CNTLN: variants seen among roughly 807,000 people sequenced by gnomAD.
CNTLN encodes centlein, centrosomal protein.
CNTLN carries 212 observed loss-of-function variants against 180.0 expected under a neutral mutation model. The observed-to-expected ratio is 1.18, with a 90% CI of 1.05 to 1.32. The LOEUF (loss-of-function observed/expected upper bound fraction) is 1.32. CNTLN is among the 40% of genes most tolerant of loss of function. The probability of loss-of-function intolerance (pLI) is 0.00; values close to 1 mark genes in which losing one functional copy is unlikely to be tolerated. For missense variants in CNTLN, 2,095 were observed against 1,610.9 expected (o/e 1.30, Z -5.14); for synonymous variants, 722 against 563.1 (o/e 1.28, Z -3.99).
chr9:17,269,253 A>G (rs1455615119), intron 5 of CNTLN, among the ~76,000 whole-genome samples: 2 of 151,916 alleles, frequency 1.3e-5, no homozygotes, highest in Non-Finnish European at 2.9e-5. Context: ...TTGTTTTGTT[A>G]TTTAATTAAC....
intron 2 of CNTLN, among the ~76,000 whole-genome samples, chr9:17,211,244 G>T (rs981904347): frequency 6.6e-6 from 1 of 152,164 alleles, no homozygotes; most frequent in African/African-American, 2.4e-5. Context: ...AAGGTGTAAG[G>T]AAGGGATCCA....
intron 7 of CNTLN, chr9:17,302,170 G>C: frequency 1.1e-6 from 1 of 933,380 alleles, no homozygotes; most frequent in South Asian, 5.0e-5. Context: ...CTTTTATGAA[G>C]CTATAACATC....
At chr9:17,436,500 A>T (rs1829786456) in intron 18 of CNTLN, among the ~76,000 whole-genome samples, 1 of 152,234 alleles carries the variant, frequency 6.6e-6, no homozygotes. Flanking sequence ...AGCACAGCCC[A>T]TTCAACAAAT....
At chr9:17,433,394 C>T (rs1829548110) in intron 18 of CNTLN, among the ~76,000 whole-genome samples, 1 of 151,692 alleles carries the variant, frequency 6.6e-6, no homozygotes, top group Non-Finnish European at 1.5e-5. Context: ...AAGCGATTCT[C>T]CTGCCTCGGC....
chr9:17,288,783 A>G (rs2132660961), intron 6 of CNTLN, among the ~76,000 whole-genome samples: 1 of 134,570 alleles, frequency 7.4e-6, no homozygotes, highest in Middle Eastern at 3.7e-3. Context: ...GTCTCTTTTG[A>G]TCTTTGTTGG....
chr9:17,184,734 A>G (rs186291314), intron 2 of CNTLN, among the ~76,000 whole-genome samples: 84 of 152,296 alleles, frequency 5.5e-4, no homozygotes, highest in Non-Finnish European at 2.6e-4. Flanking sequence ...TAAAACAACA[A>G]TAGGAATACT....
intron 8 of CNTLN, among the ~76,000 whole-genome samples, chr9:17,312,365 T>TATATATATATATATA (rs1819222005): frequency 6.9e-4 from 5 of 7,214 alleles, no homozygotes; most frequent in African/African-American, 1.1e-3. Context: ...ATATATATAT[T>TATATATATATATATA]ATATATATAT....
intron 5 of CNTLN, among the ~76,000 whole-genome samples, chr9:17,258,010 T>C (rs971303069): frequency 1.3e-5 from 2 of 150,928 alleles, no homozygotes; most frequent in Non-Finnish European, 1.5e-5. Flanking sequence ...TTTTGTCTTT[T>C]GTTGCCATTG....
chr9:17,290,552 T>A (rs201102820), intron 6 of CNTLN, among the ~76,000 whole-genome samples: 20 of 139,910 alleles, frequency 1.4e-4, no homozygotes, highest in Non-Finnish European at 2.1e-4. Flanking sequence ...TCGAGCTTCC[T>A]GGCTGCTTTG....
intron 18 of CNTLN, among the ~76,000 whole-genome samples, chr9:17,420,375 A>G (rs1382167535): frequency 6.6e-6 from 1 of 152,172 alleles, no homozygotes; most frequent in African/African-American, 2.4e-5. Flanking sequence ...GTAGCCACTA[A>G]CAATGCTTTA....
In CNTLN at chr9:17,466,196, T is replaced by G. The variant is rs551534644; in HGVS notation, c.3669+78T>G. On this transcript the variant is annotated intron_variant, in intron 22 of 25. Coordinates refer to ENST00000380647, the MANE Select transcript of CNTLN (RefSeq NM_017738.4). Reference sequence around the variant, plus strand: ...GTTTCATTTTTAACATTGTTGCTTTTTCCTTCCCAAAACCACAAGCTACTT... The same window carrying G: ...GTTTCATTTTTAACATTGTTGCTTTGTCCTTCCCAAAACCACAAGCTACTT... 1.2e-5 allele frequency: 16 copies of G among 1,346,196 alleles called. No homozygotes were observed. In the South Asian group the frequency reaches 2.0e-4, roughly 17 times the overall value. 83.4% of individuals were successfully genotyped at this position (1,346,196 alleles called of 1,614,324 possible).
At chr9:17,226,931 TTATA>T (rs1232934787) in intron 3 of CNTLN, among the ~76,000 whole-genome samples, 3 of 151,354 alleles carry the variant, frequency 2.0e-5, no homozygotes, top group Non-Finnish European at 4.4e-5. Flanking sequence ...TTTTTAATTT[TTATA>T]TATATATTTT....
At chr9:17,257,125 C>G (rs142631859) in intron 5 of CNTLN, among the ~76,000 whole-genome samples, 7 of 151,368 alleles carry the variant, frequency 4.6e-5, no homozygotes, top group Non-Finnish European at 7.4e-5. Flanking sequence ...ATCCCTCCCC[C>G]CTCCTCCCAC....
intron 5 of CNTLN, among the ~76,000 whole-genome samples, chr9:17,265,025 C>A (rs56831316): frequency 7.0e-6 from 1 of 142,484 alleles, no homozygotes. Context: ...AATTGAATAC[C>A]CTTTATTTCC....
At chr9:17,318,824 TCATC>T (rs1819708613) in intron 8 of CNTLN, among the ~76,000 whole-genome samples, 1 of 151,784 alleles carries the variant, frequency 6.6e-6, no homozygotes, top group African/African-American at 2.4e-5. Flanking sequence ...ACTCACCTCT[TCATC>T]CATCCTTTAT....
chr9:17,254,895 A>T (rs1006414237), intron 5 of CNTLN, among the ~76,000 whole-genome samples: 2 of 151,658 alleles, frequency 1.3e-5, no homozygotes, highest in African/African-American at 4.8e-5. Context: ...ACATCTTAAC[A>T]ACATTGTCTT....
chr9:17,331,682 T>C (rs1820654290), intron 9 of CNTLN, among the ~76,000 whole-genome samples: 1 of 152,042 alleles, frequency 6.6e-6, no homozygotes, highest in African/African-American at 2.4e-5. Context: ...TCTGTGGTAC[T>C]GTTATTCATG....
intron 23 of CNTLN, among the ~76,000 whole-genome samples, chr9:17,473,190 A>G (rs555737663): frequency 4.6e-5 from 7 of 152,308 alleles, no homozygotes; most frequent in African/African-American, 1.7e-4. Flanking sequence ...TCTCAGCACT[A>G]TGTGATAATC....
At chr9:17,408,584 G>C (rs1376161594) in intron 15 of CNTLN, among the ~76,000 whole-genome samples, 1 of 151,810 alleles carries the variant, frequency 6.6e-6, no homozygotes, top group Non-Finnish European at 1.5e-5. Context: ...GGCAGATCAC[G>C]AGGTCAGGAG....
Sources: allele counts gnomAD v4.1 joint callset (sites outside exome capture counted in the v4.1 genomes callset), GRCh38; gene constraint gnomAD v4.1.1; transcripts MANE v1.5; gene names NCBI Gene and HGNC (gene_info 2026-07-23, HGNC 2026-07-21).